Variants in GALNT13 observed in about 807,000 individuals in gnomAD.
The protein encoded by GALNT13 is UDP-GalNAc:polypeptide N-acetylgalactosaminyltransferase 13.
In GALNT13, 28 loss-of-function variants were observed where a neutral mutation model predicts 64.2. That is an observed-to-expected ratio of 0.44 (90% confidence interval 0.32 to 0.60). The LOEUF is 0.60. Ranked by LOEUF, GALNT13 falls within the 20% of genes least tolerant of loss-of-function variation. GALNT13 has a pLI of 0.05. For synonymous variants in GALNT13, 214 were observed against 224.6 expected, an observed-to-expected ratio of 0.95 and a Z score of 0.42; for missense variants, 577 against 669.8, an observed-to-expected ratio of 0.86 and a Z score of 1.53.
At chr2:154,279,394 G>A (rs981416924) in intron 8 of GALNT13, among the ~76,000 whole-genome samples, 3 of 152,120 alleles carry the variant, frequency 2.0e-5, no homozygotes, top group African/African-American at 7.2e-5. Context: ...GAGACATTTC[G>A]AGGTAGAAAT....
chr2:153,417,587 T>C, the GALNT13 span, among the ~76,000 whole-genome samples: 10 of 152,304 alleles, frequency 6.6e-5, 2 homozygotes, highest in African/African-American at 2.4e-4. Context: ...GATTTTCTGG[T>C]AAAATGGATG....
the GALNT13 span, among the ~76,000 whole-genome samples, chr2:153,350,405 C>T: frequency 1.6e-4 from 15 of 92,644 alleles, no homozygotes; most frequent in East Asian, 3.6e-3. Flanking sequence ...TTTTTTGAGA[C>T]GGAGTTGCGT....
intron 1 of GALNT13, among the ~76,000 whole-genome samples, chr2:153,887,433 T>A (rs544526201): frequency 6.6e-6 from 1 of 151,182 alleles, no homozygotes; most frequent in South Asian, 2.1e-4. Flanking sequence ...GGGCCCCAAG[T>A]GCCAATAAAT....
intron 8 of GALNT13, among the ~76,000 whole-genome samples, chr2:154,280,633 C>A (rs1434384666): frequency 3.9e-5 from 6 of 152,228 alleles, no homozygotes; most frequent in South Asian, 4.2e-4. Flanking sequence ...CACTCAAGTT[C>A]TTTTTATGTA....
chr2:153,188,517 T>A, the GALNT13 span, among the ~76,000 whole-genome samples: 1 of 152,166 alleles, frequency 6.6e-6, no homozygotes, highest in Admixed American at 6.6e-5. Context: ...ATTCTCTCCA[T>A]GGAAGAAACG....
At chr2:153,839,775 A>G in the GALNT13 span, among the ~76,000 whole-genome samples, 1 of 151,902 alleles carries the variant, frequency 6.6e-6, no homozygotes, top group African/African-American at 2.4e-5. Flanking sequence ...ATCTGGGCCC[A>G]TGTTAGATGA....
the GALNT13 span, among the ~76,000 whole-genome samples, chr2:153,140,656 G>A: frequency 6.6e-6 from 1 of 151,888 alleles, no homozygotes; most frequent in Non-Finnish European, 1.5e-5. Context: ...AATATAATGA[G>A]TGCCTTTTAT....
chr2:153,306,902 A>G, the GALNT13 span, among the ~76,000 whole-genome samples: 4 of 152,084 alleles, frequency 2.6e-5, no homozygotes, highest in African/African-American at 9.7e-5. Context: ...GTGCTCAGCT[A>G]ATTTTTTCCT....
intron 4 of GALNT13, among the ~76,000 whole-genome samples, chr2:154,155,732 T>C (rs944829878): frequency 6.6e-6 from 1 of 151,988 alleles, no homozygotes; most frequent in Non-Finnish European, 1.5e-5. Flanking sequence ...ACTTTCTGTA[T>C]GGTAATTGCT....
chr2:154,006,542 T>C (rs1391084116), intron 3 of GALNT13, among the ~76,000 whole-genome samples: 1 of 152,204 alleles, frequency 6.6e-6, no homozygotes, highest in African/African-American at 2.4e-5. Context: ...AAAAATGGAC[T>C]GTGGGTTCCA....
At chr2:154,422,957 C>CA (rs1405236605) in intron 11 of GALNT13, among the ~76,000 whole-genome samples, 1 of 151,946 alleles carries the variant, frequency 6.6e-6, no homozygotes, top group Non-Finnish European at 1.5e-5. Context: ...TACATGTGCA[C>CA]AATGTGCAGG....
chr2:153,704,357 G>A, the GALNT13 span, among the ~76,000 whole-genome samples: 3 of 152,092 alleles, frequency 2.0e-5, no homozygotes, highest in East Asian at 1.9e-4. Flanking sequence ...ACTGATTGAC[G>A]CTAAGCATGG....
chr2:154,035,863 G>A (rs1225284025), intron 3 of GALNT13, among the ~76,000 whole-genome samples: 1 of 151,916 alleles, frequency 6.6e-6, no homozygotes, highest in African/African-American at 2.4e-5. Flanking sequence ...CTCATTAATA[G>A]GAGAGAGAGG....
the GALNT13 span, among the ~76,000 whole-genome samples, chr2:153,834,078 T>C: frequency 1.3e-5 from 2 of 152,146 alleles, no homozygotes; most frequent in Non-Finnish European, 1.5e-5. Flanking sequence ...AAAAAGTTAA[T>C]ATACCGGCTT....
chr2:153,281,319 C>T, the GALNT13 span, among the ~76,000 whole-genome samples: 6 of 86,556 alleles, frequency 6.9e-5, no homozygotes, highest in African/African-American at 1.3e-4. Flanking sequence ...ATGAGCCTTG[C>T]GTTTTTTTTT....
chr2:153,498,231 T>A, the GALNT13 span, among the ~76,000 whole-genome samples: 1 of 152,292 alleles, frequency 6.6e-6, no homozygotes, highest in South Asian at 2.1e-4. Context: ...CTTTCAAACG[T>A]TTTGTCTTAA....
chr2:153,662,556 T>C, the GALNT13 span, among the ~76,000 whole-genome samples: 1 of 152,192 alleles, frequency 6.6e-6, no homozygotes, highest in Admixed American at 6.6e-5. Flanking sequence ...GTAGTTTCTA[T>C]AGGATGAAGC....
chr2:153,943,119 C>A (rs1056117061), intron 2 of GALNT13, among the ~76,000 whole-genome samples: 2 of 151,942 alleles, frequency 1.3e-5, no homozygotes, highest in African/African-American at 2.4e-5. Context: ...AGTTGGTTAA[C>A]CAGGTAGTTA....
chr2:153,959,773 C>G (rs1196530942), intron 3 of GALNT13, among the ~76,000 whole-genome samples: 1 of 152,116 alleles, frequency 6.6e-6, no homozygotes, highest in Non-Finnish European at 1.5e-5. Context: ...TGGTAATCCA[C>G]CCATTACTAG....
Sources: gnomAD v4.1 joint callset for allele counts (sites outside exome capture counted in the v4.1 genomes callset) on GRCh38, gnomAD v4.1.1 for gene constraint, MANE v1.5 for transcripts, NCBI Gene and HGNC (gene_info 2026-07-23, HGNC 2026-07-21) for gene names.